TSHZ3: variants seen among roughly 807,000 people sequenced by gnomAD.
TSHZ3 encodes teashirt zinc finger homeobox 3, also known as teashirt homolog 3.
In TSHZ3, 10 loss-of-function variants were observed where a neutral mutation model predicts 64.5. The ratio of observed to expected loss-of-function variants is 0.16; its 90% CI spans 0.10 to 0.26. The LOEUF is 0.26. TSHZ3 is among the 10% of genes least tolerant of loss of function. The probability of loss-of-function intolerance (pLI) is 1.00; values close to 1 mark genes in which losing one functional copy is unlikely to be tolerated. For missense variants in TSHZ3, 1,242 were observed against 1,421.7 expected, an observed-to-expected ratio of 0.87 and a Z score of 2.03; for synonymous variants, 608 against 593.1, an observed-to-expected ratio of 1.03 and a Z score of -0.36.
At chr19:31,191,611 C>CT (rs1460345276) in intron 5 of TSHZ3, among the ~76,000 whole-genome samples, 2 of 152,128 alleles carry the variant, frequency 1.3e-5, no homozygotes, top group African/African-American at 4.8e-5. Context: ...AATTTCAGCA[C>CT]TTTGGCAGGC....
At chr19:31,340,835 G>A (rs975021223) in intron 1 of TSHZ3, among the ~76,000 whole-genome samples, 3 of 152,206 alleles carry the variant, frequency 2.0e-5, no homozygotes, top group Non-Finnish European at 4.4e-5. Context: ...GGCAGGCCCC[G>A]CTTTCCCCAG....
intron 1 of TSHZ3, chr19:31,308,790 C>T: frequency 2.5e-6 from 1 of 397,972 alleles, no homozygotes; most frequent in African/African-American, 2.1e-5. Flanking sequence ...TTCAGATCAT[C>T]CTAGAGATAA....
At chr19:31,281,061 A>C (rs1976352919) in intron 1 of TSHZ3, among the ~76,000 whole-genome samples, 1 of 152,160 alleles carries the variant, frequency 6.6e-6, no homozygotes, top group African/African-American at 2.4e-5. Context: ...TGTTTGCTTC[A>C]AAAGGCCAGT....
chr19:31,319,013 T>C (rs1165094685), intron 1 of TSHZ3, among the ~76,000 whole-genome samples: 3 of 152,236 alleles, frequency 2.0e-5, no homozygotes, highest in Non-Finnish European at 2.9e-5. Flanking sequence ...CTCAGCTCTG[T>C]CTGATCAAGG....
intron 1 of TSHZ3, among the ~76,000 whole-genome samples, chr19:31,345,934 C>T (rs1917578991): frequency 6.6e-6 from 1 of 152,110 alleles, no homozygotes; most frequent in African/African-American, 2.4e-5. Context: ...CTAAAAGCAG[C>T]AACATCTGTC....
intron 1 of TSHZ3, chr19:31,308,511 T>C: frequency 2.5e-6 from 1 of 394,930 alleles, no homozygotes; most frequent in Non-Finnish European, 4.5e-6. Context: ...GTCTCCAGCG[T>C]GGACCACCAC....
chr19:31,323,678 G>A (rs551567256), intron 1 of TSHZ3, among the ~76,000 whole-genome samples: 2 of 152,164 alleles, frequency 1.3e-5, no homozygotes, highest in South Asian at 4.2e-4. Flanking sequence ...TTTAAGAAAT[G>A]TCCACATCTA....
chr19:31,321,171 C>T (rs538043534), intron 1 of TSHZ3, among the ~76,000 whole-genome samples: 39 of 152,302 alleles, frequency 2.6e-4, no homozygotes, highest in South Asian at 1.9e-3. Flanking sequence ...CCCTTTCCAC[C>T]AAGGCCTGGC....
chr19:31,174,164 G>A (rs552608661), intron 5 of TSHZ3, among the ~76,000 whole-genome samples: 39 of 152,368 alleles, frequency 2.6e-4, no homozygotes, highest in African/African-American at 8.9e-4. Context: ...GGAAGACCCG[G>A]GAGAGCCCAT....
chr19:31,255,790 A>G (rs1394606587), intron 1 of TSHZ3, among the ~76,000 whole-genome samples: 1 of 152,190 alleles, frequency 6.6e-6, no homozygotes, highest in African/African-American at 2.4e-5. Flanking sequence ...ATCTGGGGGC[A>G]TCTCATGGCC....
chr19:31,278,087 T>TTCC lies in TSHZ3; in HGVS notation c.1703_1705dup (p.Gly568_Lys569insArg), dbSNP rs1433948798. ...AAACATGGGTTTCAGGGGCGTGCTC[T>TTCC]TCCCCGACGAGCCCAGGGACAACTT... On this transcript the variant is annotated inframe_insertion, in exon 2 of 2. Transcript: ENST00000240587. The surrounding 1 kb of genome is among the most constrained non-coding windows in gnomAD (Gnocchi z 4.7). 1 of 1,614,026 alleles carries TTCC rather than the reference T, an allele frequency of 6.2e-7. No homozygotes were observed. The highest frequency in any genetic ancestry group is 8.5e-7 in the Non-Finnish European group (1 of 1,179,994).
intron 1 of TSHZ3, among the ~76,000 whole-genome samples, chr19:31,347,078 G>A (rs571829922): frequency 3.9e-5 from 6 of 151,942 alleles, no homozygotes; most frequent in East Asian, 1.9e-4. Context: ...TCGTTTTGAC[G>A]GGTCATTTTG....
chr19:31,216,623 A>G (rs777151826), intron 4 of TSHZ3, among the ~76,000 whole-genome samples: 33 of 148,694 alleles, frequency 2.2e-4, no homozygotes, highest in Non-Finnish European at 4.5e-4. Context: ...TAATTTTTGT[A>G]TTTTTGTTTT....
intron 1 of TSHZ3, among the ~76,000 whole-genome samples, chr19:31,348,269 CGA>C (rs1444749841): frequency 6.6e-6 from 1 of 152,060 alleles, no homozygotes. Context: ...GCATGACGGG[CGA>C]TCAATCAGTC....
chr19:31,231,301 G>A (rs1438995709), intron 3 of TSHZ3, among the ~76,000 whole-genome samples: 1 of 152,110 alleles, frequency 6.6e-6, no homozygotes, highest in Non-Finnish European at 1.5e-5. Context: ...CTCTCAGGAG[G>A]CCGAGCGGAA....
chr19:31,277,475 T>A lies in TSHZ3; in HGVS notation c.2318A>T (p.Lys773Met), dbSNP rs756099067. 1 of 1,613,186 alleles carries A rather than the reference T, an allele frequency of 6.2e-7. No homozygotes were observed. The highest frequency in any genetic ancestry group is 8.5e-7 in the Non-Finnish European group (1 of 1,179,390). ...VATPPPLQSKKADHLDRYFYH... is the reference protein window; with the variant it reads ...VATPPPLQSKMADHLDRYFYH... ...GAAATAGCGGTCGAGGTGGTCTGCCTTCTTGGACTGCAGGGGCGGCGGGGT... is the reference window on the plus strand; with the variant it reads ...GAAATAGCGGTCGAGGTGGTCTGCCATCTTGGACTGCAGGGGCGGCGGGGT... Residue 773 changes from lysine (K) to methionine (M), a missense_variant, in exon 2 of 2, where the codon AAG becomes ATG. Coordinates refer to ENST00000240587, the MANE Select transcript of TSHZ3 (RefSeq NM_020856.4). This position sits in a 1 kb window ranked among gnomAD's most constrained non-coding sequence, Gnocchi z 4.5.
chr19:31,348,933 G>C (rs572741238), intron 1 of TSHZ3: 3 of 468,648 alleles, frequency 6.4e-6, no homozygotes, highest in Non-Finnish European at 1.1e-5. Flanking sequence ...GACCTGGCGC[G>C]GCTCAGCGCG....
intron 1 of TSHZ3, among the ~76,000 whole-genome samples, chr19:31,345,161 T>C (rs1255361331): frequency 1.3e-5 from 2 of 152,154 alleles, no homozygotes; most frequent in Admixed American, 1.3e-4. Flanking sequence ...TTTTTAGAAT[T>C]TGCATTGTTG....
At chr19:31,272,433 G>A (rs371572653), downstream of TSHZ3, among the ~76,000 whole-genome samples, 2 of 152,250 alleles carry the variant, frequency 1.3e-5, no homozygotes, top group Admixed American at 6.5e-5. Flanking sequence ...AGAAGGGCCT[G>A]TTTGGTGGTT....
Sources: gnomAD v4.1 joint callset for allele counts (sites outside exome capture counted in the v4.1 genomes callset) on GRCh38, gnomAD v4.1.1 for gene constraint, Gnocchi (gnomAD v3.1) non-coding constraint, MANE v1.5 for transcripts, NCBI Gene and HGNC (gene_info 2026-07-23, HGNC 2026-07-21) for gene names.